Variants in CIMIP2A observed in about 807,000 individuals in gnomAD.
CIMIP2A encodes the protein ciliary microtubule inner protein 2A.
the CIMIP2A span, chr9:137,251,922 C>T: frequency 6.2e-7 from 1 of 1,600,424 alleles, no homozygotes; most frequent in Non-Finnish European, 8.5e-7. Context: ...GCCACCCCAC[C>T]CCCAAGCTGG....
chr9:137,243,791 G>A, the CIMIP2A span: 2 of 1,613,756 alleles, frequency 1.2e-6, no homozygotes, highest in Admixed American at 3.3e-5. Context: ...CTGCATGGCT[G>A]CGGGGAGCCA....
the CIMIP2A span, among the ~76,000 whole-genome samples, chr9:137,246,309 AG>A: frequency 1.3e-5 from 2 of 152,206 alleles, no homozygotes; most frequent in African/African-American, 4.8e-5. Context: ...CCAGGAGGCC[AG>A]TAGCCTCCTG....
the CIMIP2A span, among the ~76,000 whole-genome samples, chr9:137,254,503 A>C: frequency 6.6e-6 from 1 of 152,212 alleles, no homozygotes; most frequent in African/African-American, 2.4e-5. Flanking sequence ...AGCTGGGCTG[A>C]GGAGGGAGGG....
chr9:137,244,374 G>T, the CIMIP2A span: 13 of 1,596,300 alleles, frequency 8.1e-6, no homozygotes, highest in Non-Finnish European at 1.1e-5. Flanking sequence ...CTGGCCGGAG[G>T]GCCGGCACTC....
the CIMIP2A span, chr9:137,245,821 T>G: frequency 6.6e-7 from 1 of 1,509,562 alleles, no homozygotes; most frequent in Non-Finnish European, 8.9e-7. Flanking sequence ...GTTCCCCACC[T>G]GGTAGCGCAG....
chr9:137,251,099 G>A, the CIMIP2A span: 2 of 604,282 alleles, frequency 3.3e-6, no homozygotes, highest in African/African-American at 1.9e-5. Context: ...CAGGCTGGGG[G>A]TCCTGGCCCA....
At chr9:137,243,647 G>A in the CIMIP2A span, 1 of 1,613,992 alleles carries the variant, frequency 6.2e-7, no homozygotes, top group Non-Finnish European at 8.5e-7. Context: ...GTGTGCACTT[G>A]CTGTTTTCCC....
At chr9:137,253,109 C>T in the CIMIP2A span, 2,336 of 1,553,548 alleles carry the variant, frequency 1.5e-3, 19 homozygotes, top group East Asian at 0.016. Context: ...CCTTCTCTTT[C>T]GGCAGCCCGA....
the CIMIP2A span, chr9:137,244,672 C>T: frequency 8.3e-4 from 1,343 of 1,613,908 alleles, 8 homozygotes; most frequent in African/African-American, 0.012. Context: ...CCATGGCTTG[C>T]ATGACGCCGT....
At chr9:137,254,641 G>C in the CIMIP2A span, among the ~76,000 whole-genome samples, 2 of 152,232 alleles carry the variant, frequency 1.3e-5, no homozygotes, top group African/African-American at 2.4e-5. Flanking sequence ...GTGTGTAGGG[G>C]GCTTGGCGCG....
chr9:137,253,536 T>C, the CIMIP2A span: 53 of 1,383,280 alleles, frequency 3.8e-5, 1 homozygote, highest in Middle Eastern at 5.6e-4. Flanking sequence ...CCTAGAGATA[T>C]GGCTGCCGCT....
chr9:137,250,221 T>C, the CIMIP2A span: 1 of 152,178 alleles, frequency 6.6e-6, no homozygotes, highest in African/African-American at 2.4e-5. Flanking sequence ...AGAGGATGGA[T>C]GTCCAGCAGC....
chr9:137,245,472 G>C, the CIMIP2A span: 1 of 1,613,896 alleles, frequency 6.2e-7, no homozygotes, highest in Non-Finnish European at 8.5e-7. Flanking sequence ...GTCTGGGTAT[G>C]TTCTCTACCC....
the CIMIP2A span, chr9:137,247,656 T>C: frequency 7.4e-6 from 12 of 1,612,732 alleles, no homozygotes; most frequent in South Asian, 1.1e-4. Flanking sequence ...CTCCCGGCTC[T>C]CACCCAGGGA....
At chr9:137,248,542 C>CAA in the CIMIP2A span, among the ~76,000 whole-genome samples, 5,620 of 109,336 alleles carry the variant, frequency 0.051, 116 homozygotes, top group Non-Finnish European at 0.063. Context: ...GACTCTGTCT[C>CAA]AAAAAAAAAA....
At chr9:137,248,901 T>G in the CIMIP2A span, among the ~76,000 whole-genome samples, 1 of 151,710 alleles carries the variant, frequency 6.6e-6, no homozygotes, top group Non-Finnish European at 1.5e-5. Flanking sequence ...AAAGGCAAAC[T>G]AAAAAACTGG....
chr9:137,252,316 G>A, the CIMIP2A span: 33 of 1,322,406 alleles, frequency 2.5e-5, no homozygotes, highest in African/African-American at 2.3e-4. Context: ...CTGGGGCATG[G>A]GTGGACATTG....
the CIMIP2A span, among the ~76,000 whole-genome samples, chr9:137,246,158 A>C: frequency 3.3e-5 from 5 of 152,244 alleles, no homozygotes; most frequent in South Asian, 1.0e-3. Flanking sequence ...AACTGCCAGC[A>C]AATCAGGGGT....
chr9:137,251,319 C>CA, the CIMIP2A span: 1 of 1,613,628 alleles, frequency 6.2e-7, no homozygotes, highest in Non-Finnish European at 8.5e-7. Flanking sequence ...CAGTGAAATT[C>CA]CTGGCAAATT....
Sources: gnomAD v4.1 joint callset for allele counts (sites outside exome capture counted in the v4.1 genomes callset) on GRCh38, gnomAD v4.1.1 for gene constraint, MANE v1.5 for transcripts, NCBI Gene and HGNC (gene_info 2026-07-23, HGNC 2026-07-21) for gene names.